Variants in SLC24A2 observed in about 807,000 individuals in gnomAD.
SLC24A2 encodes the protein sodium/potassium/calcium exchanger 2.
A neutral mutation model predicts 62.0 loss-of-function variants in SLC24A2; 36 were observed. The observed-to-expected ratio is 0.58, with a 90% CI of 0.44 to 0.77. The LOEUF (loss-of-function observed/expected upper bound fraction) is 0.77, where lower values mean the gene tolerates loss of function less well. SLC24A2 is among the 30% of genes least tolerant of loss of function. SLC24A2 has a pLI of 0.00. For missense variants in SLC24A2, 846 were observed against 817.9 expected (o/e 1.03, Z -0.42); for synonymous variants, 358 against 294.0 (o/e 1.22, Z -2.23).
intron 1 of SLC24A2, 139 bp downstream of exon 1, chr9:19,788,746 G>T: frequency 1.0e-6 from 1 of 985,410 alleles, no homozygotes; most frequent in South Asian, 4.7e-5. Context: ...CTAACTCCTA[G>T]CGGGGCCTGG....
chr9:19,944,834 GTATT>G, the SLC24A2 span, among the ~76,000 whole-genome samples: 2 of 152,136 alleles, frequency 1.3e-5, no homozygotes, highest in Non-Finnish European at 2.9e-5. Context: ...GTGTGAGACT[GTATT>G]TATTTGATAG....
the SLC24A2 span, among the ~76,000 whole-genome samples, chr9:20,228,629 G>T: frequency 3.7e-4 from 57 of 152,058 alleles, 1 homozygote; most frequent in South Asian, 4.2e-4. Context: ...GAGAGAAGAA[G>T]GGTGAACGCC....
the SLC24A2 span, among the ~76,000 whole-genome samples, chr9:20,262,284 G>A: frequency 6.6e-6 from 1 of 152,188 alleles, no homozygotes; most frequent in African/African-American, 2.4e-5. Context: ...GTTTTGGCAT[G>A]TCCTACCTAT....
chr9:19,768,475 C>A (rs986450194), intron 2 of SLC24A2, among the ~76,000 whole-genome samples: 2 of 152,050 alleles, frequency 1.3e-5, no homozygotes, highest in Non-Finnish European at 2.9e-5. Context: ...GTCCCAAGAC[C>A]CCCACTGGAT....
At chr9:19,674,234 C>G (rs931358130) in intron 2 of SLC24A2, among the ~76,000 whole-genome samples, 4 of 152,154 alleles carry the variant, frequency 2.6e-5, no homozygotes, top group African/African-American at 9.7e-5. Flanking sequence ...GCTGAGAAAT[C>G]TGTTGTTAAT....
At chr9:20,205,649 TAAAAAAAAAAA>T in the SLC24A2 span, among the ~76,000 whole-genome samples, 2 of 65,306 alleles carry the variant, frequency 3.1e-5, no homozygotes, top group Admixed American at 2.2e-4. Context: ...AGACTCCATC[TAAAAAAAAAAA>T]AAAAAAAAAA....
chr9:20,244,386 C>T, the SLC24A2 span, among the ~76,000 whole-genome samples: 1 of 152,098 alleles, frequency 6.6e-6, no homozygotes, highest in Non-Finnish European at 1.5e-5. Context: ...AGCCTTTAAG[C>T]CAGCACTGAG....
At chr9:20,062,311 A>G in the SLC24A2 span, among the ~76,000 whole-genome samples, 4 of 151,614 alleles carry the variant, frequency 2.6e-5, no homozygotes, top group Non-Finnish European at 5.9e-5. Flanking sequence ...TAAATGGAAC[A>G]GAACAGAGCC....
intron 2 of SLC24A2, among the ~76,000 whole-genome samples, chr9:19,777,096 A>C (rs1822867738): frequency 6.6e-6 from 1 of 152,236 alleles, no homozygotes. Context: ...TTAGGTGTGG[A>C]AATGGGGAGA....
chr9:19,848,758 C>T, the SLC24A2 span, among the ~76,000 whole-genome samples: 2 of 152,116 alleles, frequency 1.3e-5, no homozygotes, highest in African/African-American at 4.8e-5. Context: ...AAAGATTGTT[C>T]TTCATTATTT....
At chr9:19,811,130 C>A in the SLC24A2 span, among the ~76,000 whole-genome samples, 1 of 152,150 alleles carries the variant, frequency 6.6e-6, no homozygotes, top group African/African-American at 2.4e-5. Context: ...GGGGAACCCT[C>A]ATGAATGAGA....
chr9:19,847,463 GC>G, the SLC24A2 span, among the ~76,000 whole-genome samples: 1 of 152,120 alleles, frequency 6.6e-6, no homozygotes, highest in Non-Finnish European at 1.5e-5. Context: ...CTCATTGGTT[GC>G]TGATATAAAT....
At chr9:20,059,197 C>G in the SLC24A2 span, among the ~76,000 whole-genome samples, 1 of 152,078 alleles carries the variant, frequency 6.6e-6, no homozygotes, top group Admixed American at 6.6e-5. Context: ...TCCAGCTTGG[C>G]GAGTGTATTC....
chr9:20,185,822 G>A, the SLC24A2 span, among the ~76,000 whole-genome samples: 7 of 152,062 alleles, frequency 4.6e-5, no homozygotes, highest in African/African-American at 9.7e-5. Flanking sequence ...TAGGGAAGGG[G>A]GTAAAAAGCT....
chr9:19,791,848 TTA>T (rs1408762571), upstream of SLC24A2, among the ~76,000 whole-genome samples: 3 of 152,232 alleles, frequency 2.0e-5, no homozygotes, highest in Non-Finnish European at 4.4e-5. Context: ...AGCTACTTCT[TTA>T]TATTTGTAGA....
At chr9:20,054,521 C>T in the SLC24A2 span, among the ~76,000 whole-genome samples, 4,629 of 152,126 alleles carry the variant, frequency 0.03, 92 homozygotes, top group South Asian at 0.069. Flanking sequence ...GATTTTGGTG[C>T]ACCCATCGCC....
chr9:20,285,115 A>G, the SLC24A2 span, among the ~76,000 whole-genome samples: 1 of 152,300 alleles, frequency 6.6e-6, no homozygotes, highest in East Asian at 1.9e-4. Flanking sequence ...CGTCATATTC[A>G]TGTGAGGAAA....
At chr9:19,718,486 A>C (rs1465245821) in intron 2 of SLC24A2, among the ~76,000 whole-genome samples, 1 of 94,154 alleles carries the variant, frequency 1.1e-5, no homozygotes, top group Non-Finnish European at 2.1e-5. Flanking sequence ...TTTTTTTGTA[A>C]TTTTTGTAGA....
chr9:20,145,009 G>A, the SLC24A2 span, among the ~76,000 whole-genome samples: 3 of 151,966 alleles, frequency 2.0e-5, no homozygotes, highest in South Asian at 2.1e-4. Flanking sequence ...TTCCTTAAAC[G>A]CACCTGATAA....
Sources: allele counts gnomAD v4.1 joint callset (sites outside exome capture counted in the v4.1 genomes callset), GRCh38; gene constraint gnomAD v4.1.1; transcripts MANE v1.5; gene names NCBI Gene and HGNC (gene_info 2026-07-23, HGNC 2026-07-21).